The following PHKB variants were observed in gnomAD, a reference collection of about 807,000 sequenced individuals.
The protein encoded by PHKB is phosphorylase kinase regulatory subunit beta.
Under a neutral mutation model 152.1 loss-of-function variants are expected in PHKB, and 122 were observed. The observed-to-expected ratio is 0.80, with a 90% CI of 0.69 to 0.93. PHKB has a LOEUF of 0.93. Among genes scored for constraint, PHKB ranks in the 40% least tolerant of loss-of-function variants. PHKB has a pLI of 0.00. For missense variants in PHKB, 1,304 were observed against 1,328.4 expected, an observed-to-expected ratio of 0.98 and a Z score of 0.29; for synonymous variants, 436 against 464.9, an observed-to-expected ratio of 0.94 and a Z score of 0.80.
At chr16:47,565,759 C>A in intron 7 of PHKB, 1 of 1,503,092 alleles carries the variant, frequency 6.7e-7, no homozygotes, top group South Asian at 1.1e-5. Flanking sequence ...TGCAACTTCT[C>A]TTGTTCCTTC....
At chr16:47,635,526 G>A (rs1972903643) in intron 14 of PHKB, among the ~76,000 whole-genome samples, 1 of 152,144 alleles carries the variant, frequency 6.6e-6, no homozygotes, top group Admixed American at 6.5e-5. Context: ...TCATAATATG[G>A]GGTCTTATAG....
At position 47,646,561 on chromosome 16, in the gene PHKB, TAAAA is replaced by T. The variant is rs1456479779; in HGVS notation, c.1609-1968_1609-1965del. Among the ~76,000 whole-genome samples the T allele has an allele frequency of 5.0e-4, 52 of 104,698 alleles. No individual in the cohort carries two copies. In the East Asian group the frequency reaches 0.011, roughly 22 times the overall value. The allele number at this position is 104,698 out of a possible 152,430, so 68.7% of individuals were successfully genotyped here. The stretch of plus-strand genomic sequence containing the variant: ...AAAAAAAAACATTAAAAATAAAAAA[TAAAA>T]AAATAATAAAAAAAAAAAAGGAAAA... On this transcript the variant is annotated intron_variant, in intron 16 of 30. Transcript: ENST00000323584.
chr16:47,615,324 A>T (rs994968990), intron 14 of PHKB, among the ~76,000 whole-genome samples: 3 of 152,168 alleles, frequency 2.0e-5, no homozygotes, highest in African/African-American at 7.2e-5. Context: ...AACACTGTGG[A>T]GTCAGGAAAG....
intron 7 of PHKB, among the ~76,000 whole-genome samples, chr16:47,553,711 G>A (rs2151676456): frequency 6.6e-6 from 1 of 152,216 alleles, no homozygotes; most frequent in Admixed American, 6.5e-5. Flanking sequence ...CCTTCAGATG[G>A]GGTCTCTGAG....
chr16:47,533,267 G>A (rs1970893510), intron 6 of PHKB, among the ~76,000 whole-genome samples: 1 of 152,168 alleles, frequency 6.6e-6, no homozygotes, highest in Admixed American at 6.5e-5. Context: ...GGGTGAGGAA[G>A]TGCATGCCCA....
chr16:47,591,550 C>A (rs1312622044), intron 10 of PHKB, among the ~76,000 whole-genome samples: 1 of 152,154 alleles, frequency 6.6e-6, no homozygotes, highest in East Asian at 1.9e-4. Context: ...ACTTCTTAGT[C>A]TCCTTTGCAG....
intron 14 of PHKB, among the ~76,000 whole-genome samples, chr16:47,626,503 A>T (rs1047673667): frequency 2.6e-5 from 4 of 152,238 alleles, no homozygotes; most frequent in Non-Finnish European, 2.9e-5. Flanking sequence ...ATAACTGCAC[A>T]TATGGCCTTT....
In PHKB at chr16:47,594,981, C is replaced by G. The variant is rs150798687; in HGVS notation, c.1204+767C>G. Among the ~76,000 whole-genome samples the G allele has an allele frequency of 1.6e-4, 25 of 152,248 alleles. No individual in the cohort carries two copies. In the East Asian group the frequency reaches 3.7e-3, roughly 22 times the overall value. On this transcript the variant is annotated intron_variant, in intron 12 of 30. Coordinates refer to ENST00000323584, the MANE Select transcript of PHKB (RefSeq NM_000293.3). ...GTAAATACTTAATATTATATGCTCA[C>G]TAACATGCTTGTAATGTTAAAAGTT...
chr16:47,642,802 C>T (rs1231003549), intron 16 of PHKB, among the ~76,000 whole-genome samples: 1 of 152,100 alleles, frequency 6.6e-6, no homozygotes, highest in Non-Finnish European at 1.5e-5. Context: ...ACCACCACTA[C>T]CCTGCCAAGA....
chr16:47,584,897 AT>A (rs1194891811), intron 8 of PHKB, among the ~76,000 whole-genome samples: 1 of 152,188 alleles, frequency 6.6e-6, no homozygotes, highest in Non-Finnish European at 1.5e-5. Flanking sequence ...CAGTCTTCAA[AT>A]TGTTTTCTTT....
At chr16:47,468,387 C>G (rs914052544) in intron 1 of PHKB, among the ~76,000 whole-genome samples, 1 of 152,266 alleles carries the variant, frequency 6.6e-6, no homozygotes, top group Non-Finnish European at 1.5e-5. Flanking sequence ...ATCCCAGGCT[C>G]ACGCCTATAA....
At chr16:47,615,130 T>G (rs979183784) in intron 14 of PHKB, among the ~76,000 whole-genome samples, 2 of 152,174 alleles carry the variant, frequency 1.3e-5, no homozygotes, top group African/African-American at 4.8e-5. Context: ...AATGCCCCAT[T>G]TCTTCTTGTC....
intron 20 of PHKB, among the ~76,000 whole-genome samples, chr16:47,658,883 C>T (rs1317669610): frequency 6.8e-6 from 1 of 146,276 alleles, no homozygotes; most frequent in African/African-American, 2.5e-5. Flanking sequence ...CTACACATAC[C>T]TATAAGAACA....
chr16:47,523,559 T>C (rs1259169773), intron 6 of PHKB, among the ~76,000 whole-genome samples: 1 of 152,200 alleles, frequency 6.6e-6, no homozygotes, highest in Non-Finnish European at 1.5e-5. Flanking sequence ...TTCCTGCTTT[T>C]GTAGAGCATC....
At chr16:47,602,980 T>C (rs536534239) in intron 13 of PHKB, among the ~76,000 whole-genome samples, 4 of 152,276 alleles carry the variant, frequency 2.6e-5, no homozygotes, top group African/African-American at 9.6e-5. Flanking sequence ...ACAAACCACT[T>C]CCTAATTCCA....
chr16:47,522,098 G>C (rs1399036379), intron 6 of PHKB, among the ~76,000 whole-genome samples: 1 of 152,060 alleles, frequency 6.6e-6, no homozygotes, highest in African/African-American at 2.4e-5. Context: ...TGGACTCCTA[G>C]GATGGGTTAG....
intron 24 of PHKB, 151 bp from the exon 25 acceptor site, chr16:47,664,734 T>C (rs1013438521): frequency 2.4e-5 from 16 of 677,270 alleles, no homozygotes; most frequent in Non-Finnish European, 2.7e-6. Flanking sequence ...ATTAAGCACA[T>C]CTGTTCTTGC....
chr16:47,677,275 T>C (rs1160161687), intron 26 of PHKB, among the ~76,000 whole-genome samples: 1 of 152,178 alleles, frequency 6.6e-6, no homozygotes, highest in Non-Finnish European at 1.5e-5. Context: ...ACCAAACAGA[T>C]AGCTCAGTTT....
At chr16:47,528,851 T>C (rs1199827388) in intron 6 of PHKB, among the ~76,000 whole-genome samples, 1 of 151,838 alleles carries the variant, frequency 6.6e-6, no homozygotes, top group Non-Finnish European at 1.5e-5. Flanking sequence ...CACCTGCCAC[T>C]GCACCGGGTA....
Sources: allele counts gnomAD v4.1 joint callset (sites outside exome capture counted in the v4.1 genomes callset), GRCh38; gene constraint gnomAD v4.1.1; transcripts MANE v1.5; gene names NCBI Gene and HGNC (gene_info 2026-07-23, HGNC 2026-07-21).